TMEM117: variants seen among roughly 807,000 people sequenced by gnomAD.
TMEM117 encodes the protein transmembrane protein 117.
Under a neutral mutation model 52.4 loss-of-function variants are expected in TMEM117, and 27 were observed. The ratio of observed to expected loss-of-function variants is 0.51; its 90% CI spans 0.38 to 0.71. The LOEUF is 0.71. TMEM117 is among the 30% of genes least tolerant of loss of function. TMEM117 has a pLI of 0.00. For synonymous variants in TMEM117, 215 were observed against 206.3 expected (o/e 1.04, Z -0.36); for missense variants, 556 against 630.5 (o/e 0.88, Z 1.26).
intron 2 of TMEM117, among the ~76,000 whole-genome samples, chr12:43,855,869 G>C (rs187817076): frequency 1.5e-4 from 23 of 152,210 alleles, no homozygotes; most frequent in Admixed American, 1.4e-3. Flanking sequence ...AAATAGAAGA[G>C]GTTAAAAGAT....
At chr12:43,886,693 T>C (rs1944000337) in intron 2 of TMEM117, among the ~76,000 whole-genome samples, 1 of 152,080 alleles carries the variant, frequency 6.6e-6, no homozygotes, top group Non-Finnish European at 1.5e-5. Context: ...GGTAAATGTG[T>C]GTCAAGGGGG....
intron 3 of TMEM117, among the ~76,000 whole-genome samples, chr12:44,007,401 C>T (rs1004733646): frequency 5.9e-5 from 9 of 151,920 alleles, no homozygotes; most frequent in African/African-American, 1.9e-4. Context: ...AATAAATTTC[C>T]TCTTTTTTTT....
chr12:43,859,683 G>A (rs1490901911), intron 2 of TMEM117, among the ~76,000 whole-genome samples: 3 of 152,148 alleles, frequency 2.0e-5, no homozygotes, highest in Non-Finnish European at 2.9e-5. Flanking sequence ...TGATTTAGAA[G>A]TGGTGGCAAT....
chr12:44,321,041 G>A (rs74318381), intron 6 of TMEM117, among the ~76,000 whole-genome samples: 6,321 of 152,084 alleles, frequency 0.042, 142 homozygotes, highest in African/African-American at 0.055. Flanking sequence ...TTAGAATTTC[G>A]GATCAATGTA....
intron 6 of TMEM117, among the ~76,000 whole-genome samples, chr12:44,366,712 G>C (rs958758336): frequency 6.6e-6 from 1 of 152,094 alleles, no homozygotes; most frequent in African/African-American, 2.4e-5. Context: ...AGAGATGGAG[G>C]TTGTTTCAGA....
At chr12:43,882,869 A>C (rs1943922340) in intron 2 of TMEM117, among the ~76,000 whole-genome samples, 1 of 152,214 alleles carries the variant, frequency 6.6e-6, no homozygotes, top group Admixed American at 6.5e-5. Context: ...GAAAAAAACT[A>C]AGATTAACGA....
At chr12:44,070,656 GA>G (rs1323595820) in intron 3 of TMEM117, among the ~76,000 whole-genome samples, 1 of 152,198 alleles carries the variant, frequency 6.6e-6, no homozygotes, top group Non-Finnish European at 1.5e-5. Context: ...GGCCCAGAGG[GA>G]AAGTGACTGC....
intron 2 of TMEM117, among the ~76,000 whole-genome samples, chr12:43,878,611 C>G (rs1301890140): frequency 6.6e-6 from 1 of 152,098 alleles, no homozygotes; most frequent in Non-Finnish European, 1.5e-5. Context: ...TTTATTAACT[C>G]ACTAGATGTA....
chr12:44,021,341 C>T (rs1342035243), intron 3 of TMEM117, among the ~76,000 whole-genome samples: 1 of 152,050 alleles, frequency 6.6e-6, no homozygotes, highest in African/African-American at 2.4e-5. Context: ...ATTTAGTTCC[C>T]ACTTGTAAGT....
intron 3 of TMEM117, among the ~76,000 whole-genome samples, chr12:43,990,892 A>G (rs918218194): frequency 2.0e-5 from 3 of 152,314 alleles, no homozygotes; most frequent in African/African-American, 4.8e-5. Flanking sequence ...CTAAAATGCT[A>G]CATTGTCCAT....
At chr12:44,200,832 C>A (rs1362793307) in intron 4 of TMEM117, among the ~76,000 whole-genome samples, 1 of 152,128 alleles carries the variant, frequency 6.6e-6, no homozygotes, top group Non-Finnish European at 1.5e-5. Flanking sequence ...TGGCACAATG[C>A]GGGTAGAGTG....
rs145332023 is a variant in TMEM117 at position 44,355,120 on chromosome 12, A to G, written c.769-21475A>G. On this transcript the variant is annotated intron_variant, in intron 6 of 7. Coordinates refer to ENST00000266534, the MANE Select transcript of TMEM117 (RefSeq NM_032256.3). ...GGCTAAGGTAGCTAAACTTTCATGC[A>G]TGATGTTGTAAAAATTAAATGATGC... Among the ~76,000 whole-genome samples the G allele has an allele frequency of 5.3e-3, 800 of 152,170 alleles. 12 individuals carry two copies. Among genetic ancestry groups the G allele is most frequent in the African/African-American group, 0.018 (729 of 41,554 alleles).
chr12:44,237,437 A>G (rs1286999718), intron 5 of TMEM117, among the ~76,000 whole-genome samples: 1 of 152,092 alleles, frequency 6.6e-6, no homozygotes, highest in East Asian at 1.9e-4. Flanking sequence ...CAGGGACTAT[A>G]GGCCAGGCAT....
intron 4 of TMEM117, among the ~76,000 whole-genome samples, chr12:44,147,943 A>AAAAAAG (rs1279588148): frequency 2.0e-5 from 3 of 151,852 alleles, no homozygotes; most frequent in Non-Finnish European, 4.4e-5. Context: ...AAAAAAAAAA[A>AAAAAAG]AAAAAGAAAA....
intron 5 of TMEM117, among the ~76,000 whole-genome samples, chr12:44,280,937 A>G (rs1327021982): frequency 6.7e-6 from 1 of 149,732 alleles, no homozygotes; most frequent in Non-Finnish European, 1.5e-5. Context: ...AATTCAGTCA[A>G]ACTGATGAGT....
At chr12:44,064,776 G>A (rs886604622) in intron 3 of TMEM117, among the ~76,000 whole-genome samples, 1 of 152,064 alleles carries the variant, frequency 6.6e-6, no homozygotes, top group Admixed American at 6.5e-5. Context: ...TAGGTCAAAG[G>A]TTATATAAAG....
At chr12:44,272,493 C>T (rs1950458904) in intron 5 of TMEM117, among the ~76,000 whole-genome samples, 1 of 152,110 alleles carries the variant, frequency 6.6e-6, no homozygotes, top group South Asian at 2.1e-4. Flanking sequence ...GGGCTAATAT[C>T]TAGAATCTAC....
rs193094961 is a variant in TMEM117 at position 44,009,295 on chromosome 12, T to C, written c.410+64953T>C. On this transcript the variant is annotated intron_variant, in intron 3 of 7. Coordinates refer to ENST00000266534, the MANE Select transcript of TMEM117 (RefSeq NM_032256.3). ...TGCAGAAACCGATACAGGATGATCA[T>C]TTCCAGTGTCATATTTTAGCTTTAA... is the stretch of plus-strand genomic sequence containing the variant. 6 of 269,866 alleles carry C rather than the reference T, an allele frequency of 2.2e-5. No homozygotes were observed. In the East Asian group the frequency reaches 8.3e-4, roughly 37 times the overall value. 16.7% of individuals were successfully genotyped at this position (269,866 alleles called of 1,614,324 possible). A position where few individuals can be genotyped will look rare whatever the true frequency, so the allele number is the denominator to read the frequency against.
intron 6 of TMEM117, among the ~76,000 whole-genome samples, chr12:44,339,202 A>G (rs1196954465): frequency 2.0e-5 from 3 of 152,014 alleles, no homozygotes; most frequent in Admixed American, 2.0e-4. Flanking sequence ...GCACAGCCCA[A>G]TCTGCTTCAT....
Sources: gnomAD v4.1 joint callset for allele counts (sites outside exome capture counted in the v4.1 genomes callset) on GRCh38, gnomAD v4.1.1 for gene constraint, MANE v1.5 for transcripts, NCBI Gene and HGNC (gene_info 2026-07-23, HGNC 2026-07-21) for gene names.